NTNG1: variants seen among roughly 807,000 people sequenced by gnomAD.
NTNG1 encodes netrin G1.
In NTNG1, 16 loss-of-function variants were observed where a neutral mutation model predicts 54.0. That is an observed-to-expected ratio of 0.30 (90% CI 0.20 to 0.45). NTNG1 has a LOEUF of 0.45. Ranked by LOEUF, NTNG1 falls within the 20% of genes least tolerant of loss-of-function variation. The pLI, the probability that NTNG1 is intolerant of heterozygous loss-of-function variation, is 1.00. For missense variants in NTNG1, 530 were observed against 678.7 expected, an observed-to-expected ratio of 0.78 and a Z score of 2.43; for synonymous variants, 255 against 263.1, an observed-to-expected ratio of 0.97 and a Z score of 0.30.
chr1:107,248,903 C>A (rs1662377522), intron 2 of NTNG1, among the ~76,000 whole-genome samples: 1 of 151,242 alleles, frequency 6.6e-6, no homozygotes, highest in African/African-American at 2.4e-5. Context: ...AATCCCAGAA[C>A]TTTTGGAGGC....
intron 3 of NTNG1, among the ~76,000 whole-genome samples, chr1:107,338,950 TA>T (rs1024928445): frequency 6.6e-6 from 1 of 151,912 alleles, no homozygotes; most frequent in Non-Finnish European, 1.5e-5. Flanking sequence ...AAAGTGTTTT[TA>T]AAAAAAGAAA....
intron 3 of NTNG1, among the ~76,000 whole-genome samples, chr1:107,336,016 G>A (rs1346307936): frequency 6.6e-6 from 1 of 151,776 alleles, no homozygotes; most frequent in African/African-American, 2.4e-5. Context: ...CCAAAGCTAT[G>A]TACAGATTTA....
chr1:107,323,762 G>A (rs1374090027), intron 2 of NTNG1, among the ~76,000 whole-genome samples: 1 of 72,396 alleles, frequency 1.4e-5, no homozygotes, highest in Admixed American at 1.9e-4. Context: ...TAAGTATGAC[G>A]GATTTCAGGG....
intron 7 of NTNG1, among the ~76,000 whole-genome samples, chr1:107,465,646 G>A (rs1021812416): frequency 9.2e-5 from 14 of 152,184 alleles, no homozygotes; most frequent in Non-Finnish European, 1.8e-4. Context: ...TGGGTGGAGA[G>A]TTTAGGGAAG....
At chr1:107,297,814 T>A (rs907297963) in intron 2 of NTNG1, among the ~76,000 whole-genome samples, 2 of 152,114 alleles carry the variant, frequency 1.3e-5, no homozygotes, top group Non-Finnish European at 2.9e-5. Context: ...CTGATCTATT[T>A]CATGAAATAG....
chr1:107,473,381 C>T (rs1046104725), intron 7 of NTNG1, among the ~76,000 whole-genome samples: 2 of 152,102 alleles, frequency 1.3e-5, no homozygotes, highest in Non-Finnish European at 2.9e-5. Context: ...GACCCCTCAG[C>T]TCATAAAAGA....
chr1:107,434,320 A>G (rs1047237545), intron 6 of NTNG1, among the ~76,000 whole-genome samples: 4 of 152,206 alleles, frequency 2.6e-5, no homozygotes, highest in African/African-American at 9.7e-5. Context: ...GCTGCTTTGT[A>G]ATTACTGGTG....
chr1:107,419,500 A>T lies in NTNG1; in HGVS notation c.1088-11250A>T, dbSNP rs138412329. Reference sequence around the variant, plus strand: ...AGAACTTTTAAAGGCTGAGCAATAAACTTCATAAGCTGCAGTGTAATGTTA... The same window carrying T: ...AGAACTTTTAAAGGCTGAGCAATAATCTTCATAAGCTGCAGTGTAATGTTA... On this transcript the variant is annotated intron_variant, in intron 5 of 7. Coordinates refer to ENST00000370068, the MANE Select transcript of NTNG1 (RefSeq NM_001113226.3). Among the ~76,000 whole-genome samples, 1,283 of 152,068 alleles carry T rather than the reference A, an allele frequency of 8.4e-3. 12 individuals are homozygous for T. The highest frequency in any genetic ancestry group is 0.029 in the African/African-American group (1,197 of 41,536).
At chr1:107,309,506 T>C (rs1036768700) in intron 2 of NTNG1, among the ~76,000 whole-genome samples, 1 of 152,216 alleles carries the variant, frequency 6.6e-6, no homozygotes, top group African/African-American at 2.4e-5. Context: ...ACTTGTTTGC[T>C]CATCTTTTAT....
chr1:107,383,149 G>C (rs1057265702), intron 3 of NTNG1, among the ~76,000 whole-genome samples: 1 of 152,094 alleles, frequency 6.6e-6, no homozygotes, highest in Non-Finnish European at 1.5e-5. Flanking sequence ...ATAACCATTT[G>C]ATGAAATAAT....
intron 2 of NTNG1, among the ~76,000 whole-genome samples, chr1:107,231,260 G>C (rs1661046644): frequency 6.6e-6 from 1 of 152,132 alleles, no homozygotes; most frequent in Non-Finnish European, 1.5e-5. Flanking sequence ...GCATAAACAA[G>C]CAGAGGTGCC....
chr1:107,460,002 T>C (rs940390717), intron 7 of NTNG1, among the ~76,000 whole-genome samples: 6 of 152,214 alleles, frequency 3.9e-5, no homozygotes, highest in Non-Finnish European at 8.8e-5. Context: ...CTCTTTTTTT[T>C]CGCCTAATTT....
intron 3 of NTNG1, among the ~76,000 whole-genome samples, chr1:107,373,045 A>G (rs941040852): frequency 9.9e-5 from 15 of 152,014 alleles, no homozygotes; most frequent in Admixed American, 2.0e-4. Context: ...TTAAATATCT[A>G]TCCTAATTAT....
chr1:107,475,791 A>G (rs1678282479), intron 7 of NTNG1, among the ~76,000 whole-genome samples: 3 of 152,138 alleles, frequency 2.0e-5, no homozygotes, highest in Admixed American at 2.0e-4. Context: ...GTTGTTCTGT[A>G]TACTGCAGGA....
At chr1:107,389,937 G>T (rs183708044) in intron 3 of NTNG1, among the ~76,000 whole-genome samples, 1 of 152,180 alleles carries the variant, frequency 6.6e-6, no homozygotes, top group Non-Finnish European at 1.5e-5. Flanking sequence ...CAAGTGGGAC[G>T]TCACAGAAGT....
chr1:107,347,552 A>G (rs1308792642), intron 3 of NTNG1, among the ~76,000 whole-genome samples: 1 of 152,144 alleles, frequency 6.6e-6, no homozygotes, highest in Non-Finnish European at 1.5e-5. Context: ...AACTGGCCTC[A>G]TGAGATTGTT....
chr1:107,173,357 A>C (rs770202716), intron 2 of NTNG1, among the ~76,000 whole-genome samples: 2 of 152,218 alleles, frequency 1.3e-5, no homozygotes, highest in African/African-American at 2.4e-5. Flanking sequence ...ACCATTTCAA[A>C]GCCCTGGTGG....
At chr1:107,193,195 A>G (rs1254964064) in intron 2 of NTNG1, among the ~76,000 whole-genome samples, 1 of 151,996 alleles carries the variant, frequency 6.6e-6, no homozygotes, top group African/African-American at 2.4e-5. Flanking sequence ...AACCCCTTCC[A>G]CAACTTCTTC....
At chr1:107,177,010 G>A (rs1322887740) in intron 2 of NTNG1, among the ~76,000 whole-genome samples, 1 of 152,128 alleles carries the variant, frequency 6.6e-6, no homozygotes, top group Non-Finnish European at 1.5e-5. Flanking sequence ...ATCCTCTGAG[G>A]AGCAAAATTG....
Sources: gnomAD v4.1 joint callset for allele counts (sites outside exome capture counted in the v4.1 genomes callset) on GRCh38, gnomAD v4.1.1 for gene constraint, MANE v1.5 for transcripts, NCBI Gene and HGNC (gene_info 2026-07-23, HGNC 2026-07-21) for gene names.